MBTPS1: variants seen among roughly 807,000 people sequenced by gnomAD.
The protein encoded by MBTPS1 is membrane-bound transcription factor site-1 protease.
MBTPS1 carries 94 observed loss-of-function variants against 127.8 expected under a neutral mutation model. That is an observed-to-expected ratio of 0.74 (90% CI 0.62 to 0.87). The LOEUF is 0.87. MBTPS1 is among the 40% of genes least tolerant of loss of function. The pLI, the probability that MBTPS1 is intolerant of heterozygous loss-of-function variation, is 0.00. For synonymous variants in MBTPS1, 632 were observed against 509.4 expected (o/e 1.24, Z -3.24); for missense variants, 1,636 against 1,353.2 (o/e 1.21, Z -3.28).
chr16:84,057,683 G>C (rs868596), intron 21 of MBTPS1: 2 of 152,136 alleles, frequency 1.3e-5, no homozygotes, highest in Non-Finnish European at 2.9e-5. Flanking sequence ...AATATGCGTC[G>C]ATCTAGGTCT....
intron 8 of MBTPS1, among the ~76,000 whole-genome samples, 194 bp from the exon 9 acceptor site, chr16:84,087,654 G>T (rs28452700): frequency 5.3e-5 from 8 of 152,102 alleles, no homozygotes; most frequent in African/African-American, 1.9e-4. Context: ...CGTTCATGCT[G>T]TGCTCACATT....
intron 8 of MBTPS1, among the ~76,000 whole-genome samples, chr16:84,088,242 A>C (rs2086058225): frequency 6.6e-6 from 1 of 152,166 alleles, no homozygotes; most frequent in African/African-American, 2.4e-5. Context: ...ATCAACAACT[A>C]CATACAACTG....
chr16:84,085,087 A>G lies in MBTPS1; in HGVS notation c.1182T>C (p.Tyr394=). 2 of 1,614,158 alleles carry G rather than the reference A, an allele frequency of 1.2e-6. No homozygotes were observed. Among genetic ancestry groups the G allele is most frequent in the Non-Finnish European group, 1.7e-6 (2 of 1,180,014 alleles). The change falls in exon 10 of 23, where the codon TAT becomes TAC. Residue 394 remains tyrosine (Y), a synonymous_variant. Coordinates refer to ENST00000343411, the MANE Select transcript of MBTPS1 (RefSeq NM_003791.4). ...CGCCAGAACCCCGCACGCCAGCACC[A>G]TAGGTGACAATGTCAGGTTTCATGC... is the stretch of plus-strand genomic sequence containing the variant. ...YGRMKPDIVT[Y]GAGVRGSGVK...
chr16:84,107,178 A>G (rs572998763), intron 1 of MBTPS1, among the ~76,000 whole-genome samples: 17 of 152,342 alleles, frequency 1.1e-4, no homozygotes, highest in African/African-American at 4.1e-4. Context: ...AATAATTTGC[A>G]AAAGGAAGGT....
chr16:84,073,281 G>C (rs367978290), intron 12 of MBTPS1, among the ~76,000 whole-genome samples: 3 of 152,076 alleles, frequency 2.0e-5, no homozygotes, highest in African/African-American at 7.2e-5. Flanking sequence ...TTACAAGCGT[G>C]TGTCACCACG....
intron 10 of MBTPS1, among the ~76,000 whole-genome samples, chr16:84,084,502 T>C (rs1449090634): frequency 6.6e-6 from 1 of 152,274 alleles, no homozygotes; most frequent in Non-Finnish European, 1.5e-5. Context: ...TCCTTTTTAC[T>C]ATCTATATGT....
chr16:84,065,983 G>T (rs2085677198), intron 17 of MBTPS1, among the ~76,000 whole-genome samples: 1 of 152,094 alleles, frequency 6.6e-6, no homozygotes, highest in South Asian at 2.1e-4. Flanking sequence ...TCAGGTTTCT[G>T]AATACATTTT....
chr16:84,070,468 G>A (rs555261716), intron 13 of MBTPS1, 120 bp downstream of exon 13: 18 of 999,994 alleles, frequency 1.8e-5, no homozygotes, highest in African/African-American at 4.9e-5. Flanking sequence ...TGTGGCCATC[G>A]AGGATAAGCC....
intron 17 of MBTPS1, among the ~76,000 whole-genome samples, chr16:84,066,225 T>C (rs573658010): frequency 6.6e-6 from 1 of 152,302 alleles, no homozygotes; most frequent in South Asian, 2.1e-4. Flanking sequence ...AGCTGTGAGG[T>C]AGTTCCTATT....
At chr16:84,061,447 G>A (rs761436457) in intron 19 of MBTPS1, 3 of 152,286 alleles carry the variant, frequency 2.0e-5, no homozygotes, top group Non-Finnish European at 4.4e-5. Context: ...CAGAGACAGT[G>A]AGACCATGTG....
chr16:84,076,345 G>A (rs1031971419), intron 11 of MBTPS1, among the ~76,000 whole-genome samples: 4 of 151,888 alleles, frequency 2.6e-5, no homozygotes, highest in Non-Finnish European at 4.4e-5. Flanking sequence ...CTTACTTAAC[G>A]GAGAAATACA....
At chr16:84,063,625 C>T (rs887751313) in intron 18 of MBTPS1, among the ~76,000 whole-genome samples, 180 bp from the exon 19 acceptor site, 1 of 152,190 alleles carries the variant, frequency 6.6e-6, no homozygotes, top group Admixed American at 6.5e-5. Flanking sequence ...ATAGAAATGT[C>T]TTAAGTGCCA....
chr16:84,079,527 C>T (rs536957392), intron 11 of MBTPS1, among the ~76,000 whole-genome samples: 7 of 152,114 alleles, frequency 4.6e-5, no homozygotes, highest in South Asian at 2.1e-4. Flanking sequence ...AAGATAATGA[C>T]GCACTGTCAC....
intron 8 of MBTPS1, among the ~76,000 whole-genome samples, chr16:84,090,287 T>C (rs2086085573): frequency 6.6e-6 from 1 of 152,124 alleles, no homozygotes; most frequent in African/African-American, 2.4e-5. Flanking sequence ...CAGTGGCAAA[T>C]GTTTCGCATC....
At chr16:84,060,857 CCAGA>C (rs1424062010) in intron 19 of MBTPS1, 44 bp from the exon 20 acceptor site, 27 of 1,484,792 alleles carry the variant, frequency 1.8e-5, no homozygotes, top group Non-Finnish European at 2.3e-5. Context: ...TTTTTTTTTT[CCAGA>C]CAGAGTCACG....
intron 10 of MBTPS1, 158 bp from the exon 11 acceptor site, chr16:84,082,066 C>G: frequency 2.2e-6 from 1 of 449,458 alleles, no homozygotes; most frequent in Non-Finnish European, 3.7e-6. Context: ...AGAATGAGTG[C>G]ACACTCATCT....
At chr16:84,075,122 C>T (rs1467586729) in intron 11 of MBTPS1, 1 of 155,358 alleles carries the variant, frequency 6.4e-6, no homozygotes, top group Non-Finnish European at 1.4e-5. Flanking sequence ...GGAAAGGGGC[C>T]AGCTCTGTGA....
In MBTPS1 at chr16:84,059,315, C is replaced by T. The variant is rs902956567; in HGVS notation, c.2818G>A (p.Glu940Lys). The part of the protein sequence containing the change: ...LSWAKPQPLN[E>K]TAPSNLWKHQ... ...GCGGACACTAACCTGGGCGCCGTCT[C>T]GTTTAAAGGCTGTGGCTTGGCCCAA... is the stretch of plus-strand genomic sequence containing the variant. Residue 940 changes from glutamate to lysine, a missense_variant, in exon 21 of 23, where the codon GAG becomes AAG. Coordinates refer to ENST00000343411, the MANE Select transcript of MBTPS1 (RefSeq NM_003791.4). The T allele has an allele frequency of 8.7e-6, 14 of 1,613,596 alleles. No homozygotes were observed. Among genetic ancestry groups the T allele is most frequent in the African/African-American group, 4.0e-5 (3 of 74,878 alleles).
At chr16:84,082,888 G>A (rs1412907529) in intron 10 of MBTPS1, among the ~76,000 whole-genome samples, 1 of 152,198 alleles carries the variant, frequency 6.6e-6, no homozygotes, top group Non-Finnish European at 1.5e-5. Context: ...TCAGGCTGGA[G>A]CTCGGGAGGC....
Sources: gnomAD v4.1 joint callset for allele counts (sites outside exome capture counted in the v4.1 genomes callset) on GRCh38, gnomAD v4.1.1 for gene constraint, MANE v1.5 for transcripts, NCBI Gene and HGNC (gene_info 2026-07-23, HGNC 2026-07-21) for gene names.